Variants in FBXL2 observed in about 807,000 individuals in gnomAD.
FBXL2 encodes the protein F-box/LRR-repeat protein 2.
Under a neutral mutation model 69.2 loss-of-function variants are expected in FBXL2, and 38 were observed. The observed-to-expected ratio is 0.55, with a 90% confidence interval of 0.42 to 0.72. The LOEUF (loss-of-function observed/expected upper bound fraction) is 0.72. Ranked by LOEUF, FBXL2 falls within the 30% of genes least tolerant of loss-of-function variation. FBXL2 has a pLI of 0.00. For missense variants in FBXL2, 354 were observed against 520.3 expected (o/e 0.68, Z 3.11); for synonymous variants, 192 against 201.3 (o/e 0.95, Z 0.39).
intron 12 of FBXL2, among the ~76,000 whole-genome samples, chr3:33,398,895 T>G (rs1320400842): frequency 2.0e-5 from 3 of 152,252 alleles, no homozygotes; most frequent in African/African-American, 4.8e-5. Flanking sequence ...TTTCTAGTTT[T>G]TCACACATAA....
chr3:33,395,984 T>C (rs1399945697), intron 12 of FBXL2, among the ~76,000 whole-genome samples: 1 of 152,168 alleles, frequency 6.6e-6, no homozygotes, highest in Non-Finnish European at 1.5e-5. Flanking sequence ...GCCAGTTTCC[T>C]CTTCTCCCAA....
chr3:33,375,471 A>C, intron 10 of FBXL2, 53 bp downstream of exon 10: 2 of 1,592,774 alleles, frequency 1.3e-6, no homozygotes, highest in African/African-American at 2.7e-5. Flanking sequence ...TGAGTTAACC[A>C]AGAGGGCTTC....
chr3:33,353,196 C>T (rs2040953281), intron 2 of FBXL2, among the ~76,000 whole-genome samples: 1 of 152,206 alleles, frequency 6.6e-6, no homozygotes, highest in South Asian at 2.1e-4. Flanking sequence ...CAAAATGGTA[C>T]AGCCAGTTTA....
At chr3:33,407,811 G>C (rs2044467615), downstream of FBXL2, among the ~76,000 whole-genome samples, 1 of 152,220 alleles carries the variant, frequency 6.6e-6, no homozygotes, top group Non-Finnish European at 1.5e-5. Context: ...GAATACAGCA[G>C]TCACGAATAC....
intron 13 of FBXL2, among the ~76,000 whole-genome samples, chr3:33,380,992 G>A (rs1272515260): frequency 2.0e-5 from 3 of 152,124 alleles, no homozygotes; most frequent in East Asian, 1.9e-4. Context: ...GAATTGGCCC[G>A]AACCAGACAG....
chr3:33,350,278 G>GA (rs1306796836), intron 2 of FBXL2, among the ~76,000 whole-genome samples: 1 of 151,726 alleles, frequency 6.6e-6, no homozygotes, highest in Non-Finnish European at 1.5e-5. Context: ...ACAGACTAAA[G>GA]AAAAAAATCA....
chr3:33,408,669 A>G, the FBXL2 span: 1 of 1,597,260 alleles, frequency 6.3e-7, no homozygotes, highest in South Asian at 1.1e-5. Flanking sequence ...CACAATGAAA[A>G]GAGAAGCAGA....
At chr3:33,394,679 GGTCT>G (rs776789684) in intron 12 of FBXL2, among the ~76,000 whole-genome samples, 10 of 152,008 alleles carry the variant, frequency 6.6e-5, no homozygotes, top group Non-Finnish European at 1.3e-4. Flanking sequence ...CCAAACAAGG[GGTCT>G]GTGAGTATAG....
chr3:33,383,869 G>GCATTCTTGCTGTGTCATCC, intron 13 of FBXL2, 120 bp from the exon 14 acceptor site: 2 of 811,298 alleles, frequency 2.5e-6, no homozygotes, highest in Non-Finnish European at 4.1e-6. Flanking sequence ...TCTGCTGAGG[G>GCATTCTTGCTGTGTCATCC]CATTCTTGCT....
At chr3:33,279,704 A>G (rs1431665955) in intron 1 of FBXL2, among the ~76,000 whole-genome samples, 3 of 152,214 alleles carry the variant, frequency 2.0e-5, no homozygotes, top group African/African-American at 7.2e-5. Context: ...TAAGCCATTT[A>G]TTTCTACTCT....
chr3:33,385,677 G>C lies in FBXL2; in HGVS notation c.*69G>C. 1 of 1,217,070 alleles carries C rather than the reference G, an allele frequency of 8.2e-7. No individual in the cohort carries two copies. Among genetic ancestry groups the C allele is most frequent in the Non-Finnish European group, 1.2e-6 (1 of 823,578 alleles). 75.4% of individuals were successfully genotyped at this position (1,217,070 alleles called of 1,614,324 possible). A position where few individuals can be genotyped will look rare whatever the true frequency, so the allele number is the denominator to read the frequency against. ...CTAGAAGACCTGAGTCTTCCTGACC[G>C]ACTCCACCATCACCCAATCTGTTGA... On this transcript the variant is annotated 3_prime_UTR_variant, in exon 15 of 15. Transcript: ENST00000484457.
chr3:33,416,938 T>TA, the FBXL2 span: 3 of 983,784 alleles, frequency 3.0e-6, no homozygotes, highest in Admixed American at 7.0e-5. Flanking sequence ...TACACAATGA[T>TA]AGTTTGTTAA....
chr3:33,402,059 C>A (rs971218863), intron 12 of FBXL2, among the ~76,000 whole-genome samples: 2 of 152,164 alleles, frequency 1.3e-5, no homozygotes, highest in Non-Finnish European at 2.9e-5. Context: ...TCAGCATGAC[C>A]GGAGAACCTT....
At chr3:33,411,091 G>C in the FBXL2 span, among the ~76,000 whole-genome samples, 1 of 143,774 alleles carries the variant, frequency 7.0e-6, no homozygotes, top group African/African-American at 2.6e-5. Context: ...AAAAAAAAAA[G>C]TGCTCCAAGA....
chr3:33,311,922 C>T (rs1474772760), intron 2 of FBXL2, among the ~76,000 whole-genome samples: 1 of 152,152 alleles, frequency 6.6e-6, no homozygotes, highest in African/African-American at 2.4e-5. Flanking sequence ...TGCATCCATC[C>T]TGTTTGGTTC....
chr3:33,405,447 C>G (rs2044392972), downstream of FBXL2, among the ~76,000 whole-genome samples: 1 of 152,180 alleles, frequency 6.6e-6, no homozygotes, highest in Non-Finnish European at 1.5e-5. Context: ...GCCTCCTTTG[C>G]AGCTATTTAA....
At chr3:33,383,960 A>G (rs1470375640) in intron 13 of FBXL2, 29 bp from the exon 14 acceptor site, 50 of 1,608,724 alleles carry the variant, frequency 3.1e-5, no homozygotes, top group East Asian at 4.5e-5. Context: ...AGGGTCCTGC[A>G]AACATTTACT....
chr3:33,318,640 C>T (rs2037915473), intron 2 of FBXL2, among the ~76,000 whole-genome samples: 1 of 152,046 alleles, frequency 6.6e-6, no homozygotes. Context: ...GATTTTTGTT[C>T]GAAGTAGCAC....
chr3:33,418,625 G>A, the FBXL2 span, among the ~76,000 whole-genome samples: 12 of 151,730 alleles, frequency 7.9e-5, no homozygotes, highest in African/African-American at 2.2e-4. Flanking sequence ...TTGGGAGCCC[G>A]AGGCGGGCAG....
Sources: allele counts gnomAD v4.1 joint callset (sites outside exome capture counted in the v4.1 genomes callset), GRCh38; gene constraint gnomAD v4.1.1; transcripts MANE v1.5; gene names NCBI Gene and HGNC (gene_info 2026-07-23, HGNC 2026-07-21).